Variants in FAM227B observed in about 807,000 individuals in gnomAD.
FAM227B encodes the protein family with sequence similarity 227 member B.
A neutral mutation model predicts 73.8 loss-of-function variants in FAM227B; 88 were observed. That is an observed-to-expected ratio of 1.19 (90% CI 1.00 to 1.42). FAM227B has a LOEUF of 1.42. Ranked by LOEUF, FAM227B falls within the 40% of genes most tolerant of loss-of-function variation. The pLI is 0.00. For missense variants in FAM227B, 632 were observed against 590.9 expected, an observed-to-expected ratio of 1.07 and a Z score of -0.72; for synonymous variants, 210 against 190.5, an observed-to-expected ratio of 1.10 and a Z score of -0.84.
intron 13 of FAM227B, chr15:49,354,062 T>C (rs1422876364): frequency 6.6e-6 from 1 of 152,250 alleles, no homozygotes; most frequent in Non-Finnish European, 1.5e-5. Flanking sequence ...TTTTTTTCAC[T>C]GTTGACAATT....
At chr15:49,599,262 A>G (rs1030168786) in intron 3 of FAM227B, among the ~76,000 whole-genome samples, 6 of 151,998 alleles carry the variant, frequency 3.9e-5, no homozygotes, top group Non-Finnish European at 8.8e-5. Flanking sequence ...ATAATTATTT[A>G]TATTTCTGTG....
intron 11 of FAM227B, among the ~76,000 whole-genome samples, chr15:49,448,369 T>A (rs530300354): frequency 6.6e-6 from 1 of 151,776 alleles, no homozygotes; most frequent in East Asian, 1.9e-4. Flanking sequence ...CTCTTTTAAT[T>A]CCTTTTCTCC....
intron 4 of FAM227B, among the ~76,000 whole-genome samples, chr15:49,589,204 C>T (rs1197546675): frequency 6.6e-6 from 1 of 152,106 alleles, no homozygotes; most frequent in African/African-American, 2.4e-5. Flanking sequence ...TAGAAACTAG[C>T]CTGAGAGCCC....
intron 13 of FAM227B, among the ~76,000 whole-genome samples, chr15:49,351,669 T>C (rs7179237): frequency 0.42 from 63,917 of 151,968 alleles, 13,591 homozygotes; most frequent in African/African-American, 0.45. Context: ...TTGGAATCAA[T>C]ACCTGTGGTT....
chr15:49,611,435 AC>A (rs973888161), intron 2 of FAM227B, among the ~76,000 whole-genome samples, 167 bp from the exon 3 acceptor site: 3 of 152,164 alleles, frequency 2.0e-5, no homozygotes, highest in Admixed American at 6.5e-5. Flanking sequence ...GAAAAGGGAC[AC>A]ACATAAATGT....
chr15:49,600,677 CA>C (rs1319021705), intron 3 of FAM227B, among the ~76,000 whole-genome samples: 1 of 148,626 alleles, frequency 6.7e-6, no homozygotes, highest in African/African-American at 2.5e-5. Flanking sequence ...AAAATCCAGC[CA>C]GCCACTTAAC....
intron 10 of FAM227B, among the ~76,000 whole-genome samples, chr15:49,519,278 T>C (rs2059610774): frequency 1.3e-5 from 2 of 152,198 alleles, no homozygotes; most frequent in Admixed American, 1.3e-4. Flanking sequence ...TACAGGCACA[T>C]GGTGCAAGCT....
chr15:49,476,232 G>GTTTTTTTTTTTTTTTTT lies in FAM227B; in HGVS notation c.1012+31978_1012+31979insAAAAAAAAAAAAAAAAA. 1.4e-3 allele frequency among the ~76,000 whole-genome samples: 82 copies of GTTTTTTTTTTTTTTTTT among 57,444 alleles called. 13 individuals carry two copies. Among genetic ancestry groups the GTTTTTTTTTTTTTTTTT allele is most frequent in the Non-Finnish European group, 2.1e-3 (57 of 27,464 alleles). The allele number at this position is 57,444 out of a possible 152,430, so 37.7% of individuals were successfully genotyped here. Reference sequence around the variant, plus strand: ...TTGCTGTTTTGTTTTTTTGTTTTTGGTTTTTTTTTTTTTGCATTTGGCATA... The same window carrying GTTTTTTTTTTTTTTTTT: ...TTGCTGTTTTGTTTTTTTGTTTTTGGTTTTTTTTTTTTTTTTTTTTTTTTTTTTTTGCATTTGGCATA... On this transcript the variant is annotated intron_variant, in intron 11 of 15. Coordinates refer to ENST00000299338, the MANE Select transcript of FAM227B (RefSeq NM_152647.3).
chr15:49,613,187 T>C (rs1396838183), intron 2 of FAM227B, among the ~76,000 whole-genome samples: 1 of 151,762 alleles, frequency 6.6e-6, no homozygotes, highest in Non-Finnish European at 1.5e-5. Context: ...CCAATCTCCA[T>C]AAAAAATTTT....
intron 11 of FAM227B, among the ~76,000 whole-genome samples, chr15:49,371,802 C>T (rs2045833560): frequency 7.2e-6 from 1 of 138,032 alleles, no homozygotes. Flanking sequence ...ATAAAATTCA[C>T]TTATAAATAA....
At chr15:49,565,901 C>A (rs1411110114) in intron 9 of FAM227B, among the ~76,000 whole-genome samples, 1 of 152,170 alleles carries the variant, frequency 6.6e-6, no homozygotes, top group East Asian at 1.9e-4. Flanking sequence ...TGGAGTGATA[C>A]AACCATAAGC....
chr15:49,438,139 A>T lies in FAM227B; in HGVS notation c.1013-66740T>A, dbSNP rs1470804260. ...AAGATAGGAAGTAGGAAGAGATAAG[A>T]CTGCAGGGAAGTCTCATATCTTGGA... On this transcript the variant is annotated intron_variant, in intron 11 of 15. Transcript: ENST00000299338. Among the ~76,000 whole-genome samples the T allele has an allele frequency of 5.9e-5, 9 of 151,776 alleles. No individual in the cohort carries two copies. In the East Asian group the frequency reaches 1.8e-3, roughly 30 times the overall value.
intron 11 of FAM227B, among the ~76,000 whole-genome samples, chr15:49,417,143 G>A (rs894681157): frequency 6.6e-6 from 1 of 152,118 alleles, no homozygotes; most frequent in Non-Finnish European, 1.5e-5. Context: ...TGCAATCCCA[G>A]CATGTTGGGA....
intron 3 of FAM227B, among the ~76,000 whole-genome samples, chr15:49,602,561 G>A (rs1224704116): frequency 6.6e-6 from 1 of 152,150 alleles, no homozygotes. Flanking sequence ...TATCAGATGA[G>A]TAATTTGCAA....
chr15:49,550,218 C>A (rs1237864789), intron 9 of FAM227B, among the ~76,000 whole-genome samples: 4 of 148,246 alleles, frequency 2.7e-5, no homozygotes, highest in African/African-American at 7.5e-5. Flanking sequence ...CTGACCCCCC[C>A]ACCTCCCTCC....
intron 15 of FAM227B, chr15:49,331,281 C>G (rs2038685637): frequency 6.5e-6 from 1 of 154,046 alleles, no homozygotes; most frequent in Non-Finnish European, 1.4e-5. Context: ...CAAGAATGCC[C>G]ATAAGTAAAG....
intron 11 of FAM227B, among the ~76,000 whole-genome samples, chr15:49,396,758 G>T (rs945206575): frequency 6.8e-6 from 1 of 146,680 alleles, no homozygotes; most frequent in African/African-American, 2.4e-5. Context: ...ACACGGCAGG[G>T]TACTCCAACA....
chr15:49,376,219 G>A (rs2046152998), intron 11 of FAM227B, among the ~76,000 whole-genome samples: 1 of 151,984 alleles, frequency 6.6e-6, no homozygotes, highest in African/African-American at 2.4e-5. Flanking sequence ...GTCACGAAGA[G>A]TTACTCCTGT....
At chr15:49,531,924 T>C (rs1855991314) in intron 10 of FAM227B, among the ~76,000 whole-genome samples, 1 of 151,806 alleles carries the variant, frequency 6.6e-6, no homozygotes, top group Non-Finnish European at 1.5e-5. Flanking sequence ...AGTTTGTTAC[T>C]AGATAAACAG....
Sources: gnomAD v4.1 joint callset for allele counts (sites outside exome capture counted in the v4.1 genomes callset) on GRCh38, gnomAD v4.1.1 for gene constraint, MANE v1.5 for transcripts, NCBI Gene and HGNC (gene_info 2026-07-23, HGNC 2026-07-21) for gene names.